The following ROR1 variants were observed in gnomAD, a reference collection of about 807,000 sequenced individuals.
ROR1 encodes inactive tyrosine-protein kinase transmembrane receptor ROR1.
In ROR1, 19 loss-of-function variants were observed where a neutral mutation model predicts 78.8. The observed-to-expected ratio is 0.24, with a 90% CI of 0.17 to 0.35. ROR1 has a LOEUF of 0.35. ROR1 is among the 10% of genes least tolerant of loss of function. ROR1 has a pLI of 1.00. For synonymous variants in ROR1, 386 were observed against 433.6 expected (o/e 0.89, Z 1.36); for missense variants, 917 against 1,177.8 (o/e 0.78, Z 3.24).
rs751162195 is a variant in ROR1 at position 64,142,655 on chromosome 1, A to T, written c.1174+5A>T. 1.2e-6 allele frequency: 2 copies of T among 1,614,004 alleles called. No individual in the cohort carries two copies. Among genetic ancestry groups the T allele is most frequent in the Non-Finnish European group, 1.7e-6 (2 of 1,179,922 alleles). ...TGTGTGACATCCCAGCGTGCGGTAA[A>T]TAGAAGTCATTGCCCCTAATGTATT... On this transcript the variant is annotated splice_donor_5th_base_variant and intron_variant, in intron 7 of 8. Transcript: ENST00000371079.
intron 2 of ROR1, among the ~76,000 whole-genome samples, chr1:64,022,600 AC>A (rs1003988710): frequency 6.6e-6 from 1 of 152,118 alleles, no homozygotes; most frequent in Admixed American, 6.6e-5. Flanking sequence ...TAATAAGGTA[AC>A]CCCAGGCCAT....
At chr1:64,095,040 A>T (rs1033676708) in intron 4 of ROR1, 2 of 152,180 alleles carry the variant, frequency 1.3e-5, no homozygotes, top group African/African-American at 4.8e-5. Context: ...CATATCATAC[A>T]GTGCTGCCAT....
At chr1:64,122,441 T>C (rs578195164) in intron 4 of ROR1, among the ~76,000 whole-genome samples, 113 of 152,206 alleles carry the variant, frequency 7.4e-4, no homozygotes, top group Non-Finnish European at 1.2e-3. Flanking sequence ...CCCATTTTGA[T>C]GTTTAATCTT....
intron 1 of ROR1, among the ~76,000 whole-genome samples, chr1:63,956,423 T>C (rs905708029): frequency 6.6e-6 from 1 of 152,162 alleles, no homozygotes; most frequent in Non-Finnish European, 1.5e-5. Flanking sequence ...ACCCAAGCCC[T>C]GGAAGCTAAC....
chr1:64,051,455 T>TAAAAATA (rs1553154183), intron 4 of ROR1, among the ~76,000 whole-genome samples: 1 of 39,194 alleles, frequency 2.6e-5, no homozygotes, highest in Non-Finnish European at 7.9e-5. Flanking sequence ...GTCTCAAAAA[T>TAAAAATA]AAAAAATAAA....
At chr1:64,122,417 T>C (rs565939151) in intron 4 of ROR1, among the ~76,000 whole-genome samples, 3 of 152,320 alleles carry the variant, frequency 2.0e-5, no homozygotes, top group Non-Finnish European at 4.4e-5. Context: ...AATCCAAATG[T>C]TCCTCTGTGG....
At chr1:63,867,974 C>T (rs1298592880) in intron 1 of ROR1, among the ~76,000 whole-genome samples, 1 of 152,180 alleles carries the variant, frequency 6.6e-6, no homozygotes, top group Non-Finnish European at 1.5e-5. Flanking sequence ...GCTCTCCCTG[C>T]CTGGAGGGCC....
In ROR1 at chr1:63,834,142, C is replaced by A. The variant is rs535264872; in HGVS notation, c.91+59634C>A. Among the ~76,000 whole-genome samples the A allele has an allele frequency of 2.0e-5, 3 of 151,530 alleles. No homozygotes were observed. In the East Asian group the frequency reaches 5.9e-4, roughly 30 times the overall value. On this transcript the variant is annotated intron_variant, in intron 1 of 8. Coordinates refer to ENST00000371079, the MANE Select transcript of ROR1 (RefSeq NM_005012.4). ...AGCTCTTGTAGTAAGAAAGATGTTA[C>A]CCTGGGCTTAGACCCTCTCGGTGGA...
chr1:63,823,792 G>A lies in ROR1; in HGVS notation c.91+49284G>A, dbSNP rs193126980. Among the ~76,000 whole-genome samples, 1,137 of 149,704 alleles carry A rather than the reference G, an allele frequency of 7.6e-3. 8 individuals are homozygous for A. The highest frequency in any genetic ancestry group is 9.7e-3 in the Non-Finnish European group (655 of 67,640). Reference sequence around the variant, plus strand: ...TTTTTTTTTTTTGAGACGAAGTCTCGATCTGTCGCCCAGGGTGCAATCCCG... The same window carrying A: ...TTTTTTTTTTTTGAGACGAAGTCTCAATCTGTCGCCCAGGGTGCAATCCCG... On this transcript the variant is annotated intron_variant, in intron 1 of 8. Transcript: ENST00000371079.
intron 7 of ROR1, among the ~76,000 whole-genome samples, chr1:64,154,432 C>T (rs114090590): frequency 0.021 from 3,152 of 152,238 alleles, 108 homozygotes; most frequent in African/African-American, 0.072. Context: ...CCCTTGAATT[C>T]TAAGGTTCTG....
Position 63,804,424 on chromosome 1 carries a change from G to A in ROR1, c.91+29916G>A, listed in dbSNP as rs139324136. On this transcript the variant is annotated intron_variant, in intron 1 of 8. Coordinates refer to ENST00000371079, the MANE Select transcript of ROR1 (RefSeq NM_005012.4). ...GATGACGGGTATGTGAGACCTCTCT[G>A]TGCTATTTTTGTAACTTCCTCTCAA... Among the ~76,000 whole-genome samples, 35 of 152,200 alleles carry A rather than the reference G, an allele frequency of 2.3e-4. No individual in the cohort carries two copies. The East Asian group carries it at 6.8e-3, about 29-fold the overall frequency.
intron 1 of ROR1, among the ~76,000 whole-genome samples, chr1:63,819,157 C>T (rs1170817127): frequency 2.0e-5 from 3 of 152,050 alleles, no homozygotes; most frequent in African/African-American, 7.2e-5. Flanking sequence ...CTGTGGCTTT[C>T]GGAATTTCTC....
At chr1:63,925,619 C>G (rs1255147051) in intron 1 of ROR1, among the ~76,000 whole-genome samples, 1 of 151,814 alleles carries the variant, frequency 6.6e-6, no homozygotes, top group African/African-American at 2.4e-5. Context: ...AACTAGTTTA[C>G]AGTCCCACCA....
intron 8 of ROR1, among the ~76,000 whole-genome samples, chr1:64,175,267 C>T (rs1263638794): frequency 2.2e-4 from 33 of 152,170 alleles, no homozygotes; most frequent in Admixed American, 2.0e-3. Flanking sequence ...CTCTCTTACA[C>T]AAAAGCAGCA....
At chr1:64,140,484 A>G in intron 6 of ROR1, 58 bp downstream of exon 6, 1 of 1,511,856 alleles carries the variant, frequency 6.6e-7, no homozygotes, top group Non-Finnish European at 9.1e-7. Flanking sequence ...CTGTTGGCAC[A>G]GGGAAAACTG....
intron 5 of ROR1, among the ~76,000 whole-genome samples, chr1:64,138,928 T>C (rs896575408): frequency 2.0e-5 from 3 of 151,994 alleles, no homozygotes; most frequent in African/African-American, 7.2e-5. Context: ...TTTGGGAAGC[T>C]GAGGTGGGCA....
intron 3 of ROR1, among the ~76,000 whole-genome samples, chr1:64,050,355 C>G (rs1459318022): frequency 6.6e-6 from 1 of 152,182 alleles, no homozygotes; most frequent in African/African-American, 2.4e-5. Context: ...AAGCCCCACT[C>G]ACTGTTGCAA....
intron 1 of ROR1, among the ~76,000 whole-genome samples, chr1:64,000,361 T>G (rs1309968443): frequency 6.6e-6 from 1 of 152,208 alleles, no homozygotes; most frequent in East Asian, 1.9e-4. Context: ...ACTCTGTCTT[T>G]GCCAGCTTCT....
At chr1:64,164,828 T>A (rs1650041785) in intron 8 of ROR1, among the ~76,000 whole-genome samples, 1 of 152,228 alleles carries the variant, frequency 6.6e-6, no homozygotes, top group African/African-American at 2.4e-5. Context: ...TAGCTCTCAC[T>A]TAAAAGTGAG....
Sources: gnomAD v4.1 joint callset for allele counts (sites outside exome capture counted in the v4.1 genomes callset) on GRCh38, gnomAD v4.1.1 for gene constraint, MANE v1.5 for transcripts, NCBI Gene and HGNC (gene_info 2026-07-23, HGNC 2026-07-21) for gene names.